EYA4: variants seen among roughly 807,000 people sequenced by gnomAD.
The protein encoded by EYA4 is protein phosphatase EYA4.
Under a neutral mutation model 87.9 loss-of-function variants are expected in EYA4, and 31 were observed. The ratio of observed to expected loss-of-function variants is 0.35; its 90% CI spans 0.27 to 0.48. EYA4 has a LOEUF of 0.48. Ranked by LOEUF, EYA4 falls within the 20% of genes least tolerant of loss-of-function variation. EYA4 has a pLI of 0.99. For synonymous variants in EYA4, 263 were observed against 270.6 expected (o/e 0.97, Z 0.28); for missense variants, 678 against 761.4 (o/e 0.89, Z 1.29).
chr6:133,366,950 CT>C (rs754874814), intron 2 of EYA4, among the ~76,000 whole-genome samples: 14 of 152,096 alleles, frequency 9.2e-5, no homozygotes, highest in Non-Finnish European at 1.9e-4. Flanking sequence ...CATGTTGGCT[CT>C]GTTTTATCTC....
intron 2 of EYA4, among the ~76,000 whole-genome samples, chr6:133,372,947 GT>G (rs1350941440): frequency 6.6e-6 from 1 of 151,836 alleles, no homozygotes; most frequent in Non-Finnish European, 1.5e-5. Flanking sequence ...GTTTTTTAAA[GT>G]TTAGGCATAT....
intron 16 of EYA4, 141 bp from the exon 17 acceptor site, chr6:133,515,180 A>G (rs1264224143): frequency 1.4e-6 from 1 of 694,534 alleles, no homozygotes; most frequent in Non-Finnish European, 2.7e-6. Flanking sequence ...AAGGATCAAT[A>G]TGGACATAAA....
At chr6:133,382,776 C>T (rs1323500505) in intron 3 of EYA4, among the ~76,000 whole-genome samples, 1 of 141,480 alleles carries the variant, frequency 7.1e-6, no homozygotes, top group Non-Finnish European at 1.5e-5. Context: ...TACTGAATAA[C>T]TGTCAAATCT....
chr6:133,495,049 A>T (rs1035917511), intron 13 of EYA4, among the ~76,000 whole-genome samples: 9 of 152,174 alleles, frequency 5.9e-5, no homozygotes, highest in African/African-American at 2.2e-4. Flanking sequence ...TGGGCAGATC[A>T]TCTGAGGTCA....
At chr6:133,441,546 G>C (rs1012717962) in intron 3 of EYA4, among the ~76,000 whole-genome samples, 20 of 152,188 alleles carry the variant, frequency 1.3e-4, no homozygotes, top group African/African-American at 4.8e-4. Context: ...TACCCCTGAG[G>C]CACATAGCCC....
intron 2 of EYA4, among the ~76,000 whole-genome samples, chr6:133,290,997 A>G (rs1315006557): frequency 6.6e-6 from 1 of 152,194 alleles, no homozygotes; most frequent in Non-Finnish European, 1.5e-5. Flanking sequence ...GATCAGGGTC[A>G]TCTAAAAAAA....
chr6:133,320,940 T>G (rs1393406284), intron 2 of EYA4, among the ~76,000 whole-genome samples: 1 of 152,214 alleles, frequency 6.6e-6, no homozygotes, highest in African/African-American at 2.4e-5. Flanking sequence ...AACAATGGTC[T>G]AAGGGTGGGT....
At chr6:133,291,138 AC>A (rs1386059302) in intron 2 of EYA4, among the ~76,000 whole-genome samples, 1 of 152,168 alleles carries the variant, frequency 6.6e-6, no homozygotes, top group Non-Finnish European at 1.5e-5. Context: ...ATTTCAAAGG[AC>A]CTTATTAGAG....
intron 3 of EYA4, among the ~76,000 whole-genome samples, chr6:133,386,915 C>T (rs1404765132): frequency 6.6e-6 from 1 of 152,130 alleles, no homozygotes. Flanking sequence ...TTCTCCACTT[C>T]GTAAGTTAAA....
At chr6:133,342,861 T>C in intron 2 of EYA4, among the ~76,000 whole-genome samples, 1 of 152,254 alleles carries the variant, frequency 6.6e-6, no homozygotes, top group South Asian at 2.1e-4. Context: ...TTTAAAAATA[T>C]GGTACAGATT....
intron 2 of EYA4, among the ~76,000 whole-genome samples, chr6:133,351,993 A>AAT (rs56892101): frequency 0.054 from 8,223 of 152,192 alleles, 717 homozygotes; most frequent in African/African-American, 0.18. Context: ...AAGAAAAAAA[A>AAT]AAAAACAGGA....
chr6:133,307,839 T>C (rs150096671), intron 2 of EYA4, among the ~76,000 whole-genome samples: 2 of 152,276 alleles, frequency 1.3e-5, no homozygotes, highest in Non-Finnish European at 2.9e-5. Flanking sequence ...GCTAGTGATA[T>C]GGTTTGATTG....
At chr6:133,281,898 A>T (rs531987161) in intron 2 of EYA4, among the ~76,000 whole-genome samples, 1 of 151,378 alleles carries the variant, frequency 6.6e-6, no homozygotes, top group African/African-American at 2.4e-5. Flanking sequence ...GTGTTGATTC[A>T]CTTAGGATGA....
chr6:133,448,229 C>T (rs1291672321), intron 5 of EYA4, 50 bp downstream of exon 5: 1 of 1,352,816 alleles, frequency 7.4e-7, no homozygotes, highest in Non-Finnish European at 1.1e-6. Flanking sequence ...TGGATTTGCC[C>T]CTCTGGATTG....
intron 2 of EYA4, among the ~76,000 whole-genome samples, chr6:133,301,668 GT>G (rs1315450201): frequency 1.3e-5 from 2 of 152,208 alleles, no homozygotes; most frequent in Non-Finnish European, 2.9e-5. Context: ...ACTTGGTGCT[GT>G]TTAATAACAT....
intron 3 of EYA4, among the ~76,000 whole-genome samples, chr6:133,437,536 A>G (rs943000737): frequency 3.3e-5 from 5 of 152,196 alleles, no homozygotes; most frequent in Non-Finnish European, 5.9e-5. Context: ...TAATATATAT[A>G]TGAAAAACCA....
At position 133,448,630 on chromosome 6, in the gene EYA4, A is replaced by G. The variant is rs73544925; in HGVS notation, c.277+451A>G. Among the ~76,000 whole-genome samples the G allele has an allele frequency of 4.1e-3, 627 of 152,298 alleles. 6 individuals are homozygous for G. Among genetic ancestry groups the G allele is most frequent in the African/African-American group, 0.014 (602 of 41,558 alleles). The stretch of plus-strand genomic sequence containing the variant: ...TGCTACTCTACAGACTTTGAGAAAT[A>G]TTCCAAAGTATATAAGGTAACATTA... On this transcript the variant is annotated intron_variant, in intron 5 of 19. Transcript: ENST00000355286.
At chr6:133,323,257 TTTTG>T (rs1418927753) in intron 2 of EYA4, among the ~76,000 whole-genome samples, 2 of 152,128 alleles carry the variant, frequency 1.3e-5, no homozygotes, top group East Asian at 3.9e-4. Flanking sequence ...CCATCTCATC[TTTTG>T]TTTGTTAGAG....
chr6:133,260,996 C>G (rs1328973722), intron 1 of EYA4, among the ~76,000 whole-genome samples: 1 of 152,192 alleles, frequency 6.6e-6, no homozygotes, highest in Admixed American at 6.5e-5. Flanking sequence ...TCCATATCAT[C>G]AATTTCTCAT....
Sources: allele counts gnomAD v4.1 joint callset (sites outside exome capture counted in the v4.1 genomes callset), GRCh38; gene constraint gnomAD v4.1.1; transcripts MANE v1.5; gene names NCBI Gene and HGNC (gene_info 2026-07-23, HGNC 2026-07-21).